Variants in MED13 observed in about 807,000 individuals in gnomAD.
MED13 encodes mediator of RNA polymerase II transcription subunit 13.
Under a neutral mutation model 225.2 loss-of-function variants are expected in MED13, and 23 were observed. The observed-to-expected ratio is 0.10, with a 90% CI of 0.07 to 0.14. The LOEUF is 0.14. Among genes scored for constraint, MED13 ranks in the 10% least tolerant of loss-of-function variants. MED13 has a pLI of 1.00. For missense variants in MED13, 2,197 were observed against 2,594.5 expected, an observed-to-expected ratio of 0.85 and a Z score of 3.33; for synonymous variants, 942 against 889.2, an observed-to-expected ratio of 1.06 and a Z score of -1.06.
At chr17:61,971,470 G>C (rs1010681118) in intron 17 of MED13, among the ~76,000 whole-genome samples, 1 of 151,788 alleles carries the variant, frequency 6.6e-6, no homozygotes, top group African/African-American at 2.4e-5. Flanking sequence ...GGCTTATTTT[G>C]TATTTTTAGT....
chr17:61,966,310 C>T lies in MED13; in HGVS notation c.4381+152G>A. The T allele has an allele frequency of 6.4e-6, 4 of 629,364 alleles. 1 individual carries two copies. The East Asian group carries it at 1.2e-4, about 18-fold the overall frequency. The allele number at this position is 629,364 out of a possible 1,614,324, so 39.0% of individuals were successfully genotyped here. ...AGCCACACAGTCTCTATGAAAACTA[C>T]TCAGCTCCAATGTTGTAGCACAAAA... On this transcript the variant is annotated intron_variant, in intron 19 of 29. Transcript: ENST00000397786.
intron 2 of MED13, among the ~76,000 whole-genome samples, chr17:62,057,737 G>A (rs2081006753): frequency 6.6e-6 from 1 of 152,090 alleles, no homozygotes; most frequent in Non-Finnish European, 1.5e-5. Context: ...TAAAATTCTG[G>A]TATAATAAAA....
Position 62,014,310 on chromosome 17 carries a change from T to TATA in MED13, c.1284-3078_1284-3077insTAT, listed in dbSNP as rs1555638734. Among the ~76,000 whole-genome samples the TATA allele has an allele frequency of 8.5e-4, 122 of 143,112 alleles. 1 individual carries two copies. The highest frequency in any genetic ancestry group is 2.8e-3 in the African/African-American group (104 of 37,200). 93.9% of individuals were successfully genotyped at this position (143,112 alleles called of 152,430 possible). A position where few individuals can be genotyped will look rare whatever the true frequency, so the allele number is the denominator to read the frequency against. On this transcript the variant is annotated intron_variant, in intron 8 of 29. Transcript: ENST00000397786. ...ATGATGGGAAGTTCTGTATATGTTT[T>TATA]TATATATATATATATATATATTTTG...
chr17:62,025,697 A>G (rs2080694464), intron 8 of MED13, among the ~76,000 whole-genome samples: 1 of 152,226 alleles, frequency 6.6e-6, no homozygotes, highest in African/African-American at 2.4e-5. Context: ...CTTACAGGCC[A>G]TACAAAACAG....
intron 20 of MED13, among the ~76,000 whole-genome samples, chr17:61,963,484 T>C (rs557590486): frequency 6.6e-6 from 1 of 152,222 alleles, no homozygotes; most frequent in Admixed American, 6.5e-5. Context: ...ATATATCTTT[T>C]TTTTGAGATG....
At chr17:61,964,974 A>G in intron 20 of MED13, 32 bp downstream of exon 20, 5 of 1,574,400 alleles carry the variant, frequency 3.2e-6, no homozygotes, top group Non-Finnish European at 4.3e-6. Context: ...TAGTTTTTAT[A>G]TTTCTGCAAA....
At position 61,982,104 on chromosome 17, in the gene MED13, T is replaced by C. The variant is rs1438891704; in HGVS notation, c.3805+94A>G. On this transcript the variant is annotated intron_variant, in intron 16 of 29. Transcript: ENST00000397786. Reference sequence around the variant, plus strand: ...GTTTTAAGTCCAACTTTAAATGTATTTGCCACATGGGAAACTGCCTTTATT... The same window carrying C: ...GTTTTAAGTCCAACTTTAAATGTATCTGCCACATGGGAAACTGCCTTTATT... 37 of 1,218,914 alleles carry C rather than the reference T, an allele frequency of 3.0e-5. No individual in the cohort carries two copies. In the Admixed American group the frequency reaches 7.8e-4, roughly 26 times the overall value. 75.5% of individuals were successfully genotyped at this position (1,218,914 alleles called of 1,614,324 possible).
intron 17 of MED13, among the ~76,000 whole-genome samples, chr17:61,970,884 G>A (rs1180153861): frequency 6.6e-6 from 1 of 151,810 alleles, no homozygotes; most frequent in Non-Finnish European, 1.5e-5. Context: ...AATTAGCTGG[G>A]TGTGGTGGTG....
Position 61,943,325 on chromosome 17 carries a change from T to C in MED13, c.*3143A>G, listed in dbSNP as rs2079828686. On this transcript the variant is annotated 3_prime_UTR_variant, in exon 30 of 30. Transcript: ENST00000397786. ...ATGATGCAATAGCATTTAAAAACTT[T>C]TTAATCTATTCAATTTGAACATTTT... 6.6e-6 allele frequency: 1 copy of C among 152,612 alleles called. No homozygotes were observed. Among genetic ancestry groups the C allele is most frequent in the Non-Finnish European group, 1.5e-5 (1 of 68,002 alleles). The allele number at this position is 152,612 out of a possible 1,614,324, so 9.5% of individuals were successfully genotyped here. A position where few individuals can be genotyped will look rare whatever the true frequency, so the allele number is the denominator to read the frequency against.
intron 28 of MED13, among the ~76,000 whole-genome samples, chr17:61,949,005 G>A (rs1162748342): frequency 1.3e-5 from 2 of 150,104 alleles, no homozygotes; most frequent in African/African-American, 4.9e-5. Context: ...GGAGAATGGC[G>A]TGAACCCGGG....
intron 23 of MED13, among the ~76,000 whole-genome samples, chr17:61,958,662 G>A (rs1360012543): frequency 7.9e-5 from 12 of 151,724 alleles, no homozygotes; most frequent in African/African-American, 2.7e-4. Flanking sequence ...TAGTATAGAC[G>A]GGGTTTCATT....
At chr17:62,022,707 A>G (rs923597541) in intron 8 of MED13, among the ~76,000 whole-genome samples, 2 of 152,166 alleles carry the variant, frequency 1.3e-5, no homozygotes, top group African/African-American at 4.8e-5. Context: ...TGAAAAATAA[A>G]TCAGAATAAT....
intron 3 of MED13, among the ~76,000 whole-genome samples, chr17:62,040,818 C>T (rs1318498190): frequency 4.6e-5 from 7 of 151,882 alleles, no homozygotes; most frequent in African/African-American, 1.7e-4. Context: ...GAAATGCAAA[C>T]CAAAAACACA....
Position 62,050,179 on chromosome 17 carries a change from C to T in MED13, c.470+2358G>A, listed in dbSNP as rs543607418. ...TTCAAGACCAGCCTAGCCAACATGGCGAAACCTGTCTCTACTAAAAACACA... is the reference window on the plus strand; with the variant it reads ...TTCAAGACCAGCCTAGCCAACATGGTGAAACCTGTCTCTACTAAAAACACA... On this transcript the variant is annotated intron_variant, in intron 3 of 29. Coordinates refer to ENST00000397786, the MANE Select transcript of MED13 (RefSeq NM_005121.3). 3.3e-5 allele frequency among the ~76,000 whole-genome samples: 5 copies of T among 151,582 alleles called. No individual in the cohort carries two copies. The East Asian group carries it at 7.9e-4, about 24-fold the overall frequency.
At chr17:61,990,054 CTATT>C (rs1369882229) in intron 11 of MED13, among the ~76,000 whole-genome samples, 1 of 152,174 alleles carries the variant, frequency 6.6e-6, no homozygotes, top group African/African-American at 2.4e-5. Flanking sequence ...GACTGACCCT[CTATT>C]TATTCCAAAT....
At chr17:62,004,332 T>C (rs376970819) in intron 9 of MED13, 1 of 152,276 alleles carries the variant, frequency 6.6e-6, no homozygotes, top group East Asian at 1.9e-4. Flanking sequence ...CATAATATAA[T>C]TTCAGATATA....
intron 2 of MED13, among the ~76,000 whole-genome samples, chr17:62,055,995 A>G (rs150239189): frequency 3.3e-5 from 5 of 152,296 alleles, no homozygotes; most frequent in Middle Eastern, 3.4e-3. Flanking sequence ...AGTAGAGACC[A>G]CCTGTTGAGG....
chr17:61,998,565 G>C (rs1159862600), intron 9 of MED13, among the ~76,000 whole-genome samples: 4 of 145,568 alleles, frequency 2.7e-5, no homozygotes, highest in African/African-American at 1.0e-4. Flanking sequence ...AGAAACAAAT[G>C]AATGCAATAA....
At chr17:61,995,122 GA>G (rs1396927155) in intron 10 of MED13, 29 bp downstream of exon 10, 1 of 1,463,204 alleles carries the variant, frequency 6.8e-7, no homozygotes, top group Non-Finnish European at 9.6e-7. Context: ...AATCAACAGT[GA>G]CCCTTTGGTG....
Sources: allele counts gnomAD v4.1 joint callset (sites outside exome capture counted in the v4.1 genomes callset), GRCh38; gene constraint gnomAD v4.1.1; transcripts MANE v1.5; gene names NCBI Gene and HGNC (gene_info 2026-07-23, HGNC 2026-07-21).